Variants in SPOCK1 observed in about 807,000 individuals in gnomAD.
SPOCK1 encodes the protein SPARC (osteonectin), cwcv and kazal like domains proteoglycan 1, also known as testican-1.
A neutral mutation model predicts 55.3 loss-of-function variants in SPOCK1; 23 were observed. The ratio of observed to expected loss-of-function variants is 0.42; its 90% CI spans 0.30 to 0.59. The LOEUF (loss-of-function observed/expected upper bound fraction) is 0.59. Ranked by LOEUF, SPOCK1 falls within the 20% of genes least tolerant of loss-of-function variation. The probability of loss-of-function intolerance (pLI) is 0.22; values close to 1 mark genes in which losing one functional copy is unlikely to be tolerated. For missense variants in SPOCK1, 499 were observed against 552.5 expected (o/e 0.90, Z 0.97); for synonymous variants, 226 against 221.0 (o/e 1.02, Z -0.20).
At chr5:137,284,636 A>C (rs538547978) in intron 2 of SPOCK1, among the ~76,000 whole-genome samples, 26 of 152,330 alleles carry the variant, frequency 1.7e-4, no homozygotes, top group Non-Finnish European at 3.2e-4. Context: ...GAGTGACCTC[A>C]TGAAAGGAGA....
intron 2 of SPOCK1, among the ~76,000 whole-genome samples, chr5:137,308,234 AC>A (rs1265866944): frequency 6.6e-6 from 1 of 152,222 alleles, no homozygotes; most frequent in Non-Finnish European, 1.5e-5. Context: ...TTTCAGACAC[AC>A]AAAGCCTTTG....
Position 137,440,616 on chromosome 5 carries a change from C to G in SPOCK1, c.186+57757G>C, listed in dbSNP as rs533480554. ...ACCTTTGCTACGAGCAATCATCTTA[C>G]AGAACTCAGAATCAAATTTTGAGTC... On this transcript the variant is annotated intron_variant, in intron 2 of 10. Transcript: ENST00000394945. Among the ~76,000 whole-genome samples, 447 of 152,340 alleles carry G rather than the reference C, an allele frequency of 2.9e-3. 2 individuals are homozygous for G. Among genetic ancestry groups the G allele is most frequent in the Non-Finnish European group, 5.2e-3 (356 of 68,040 alleles).
intron 2 of SPOCK1, among the ~76,000 whole-genome samples, chr5:137,416,558 G>T (rs1752332360): frequency 6.6e-6 from 1 of 152,016 alleles, no homozygotes; most frequent in Non-Finnish European, 1.5e-5. Context: ...CGGAACTTGA[G>T]AAAACCTATT....
chr5:137,071,669 G>C (rs1300867178), intron 5 of SPOCK1, among the ~76,000 whole-genome samples: 1 of 152,182 alleles, frequency 6.6e-6, no homozygotes, highest in Non-Finnish European at 1.5e-5. Context: ...AAAACTCCAT[G>C]AGCAAGTGCG....
At chr5:137,344,933 G>A (rs1381414550) in intron 2 of SPOCK1, among the ~76,000 whole-genome samples, 1 of 152,210 alleles carries the variant, frequency 6.6e-6, no homozygotes, top group Non-Finnish European at 1.5e-5. Context: ...AGGCAGCAGT[G>A]CTGTTAGCTT....
At chr5:137,074,419 C>T in intron 5 of SPOCK1, among the ~76,000 whole-genome samples, 1 of 151,962 alleles carries the variant, frequency 6.6e-6, no homozygotes, top group East Asian at 1.9e-4. Flanking sequence ...CACAATGCTG[C>T]AAATTACTTC....
At chr5:137,030,941 G>A (rs561264092) in intron 6 of SPOCK1, among the ~76,000 whole-genome samples, 98 of 152,236 alleles carry the variant, frequency 6.4e-4, no homozygotes, top group Admixed American at 1.3e-3. Flanking sequence ...CTTAAAGTCA[G>A]AAAAGTAGGT....
chr5:137,064,390 CGTGT>C (rs1752455973), intron 6 of SPOCK1, among the ~76,000 whole-genome samples: 1 of 151,954 alleles, frequency 6.6e-6, no homozygotes, highest in Admixed American at 6.6e-5. Flanking sequence ...CGTGTGTGTG[CGTGT>C]GTGTATTGCC....
At chr5:137,108,901 A>T (rs1393409828) in intron 5 of SPOCK1, among the ~76,000 whole-genome samples, 1 of 152,194 alleles carries the variant, frequency 6.6e-6, no homozygotes, top group Non-Finnish European at 1.5e-5. Flanking sequence ...CCCATATCCA[A>T]AAAGTCAACT....
At position 136,976,066 on chromosome 5, in the gene SPOCK1, G is replaced by T. The variant is rs1750604804; in HGVS notation, c.*2588C>A. ...TGACTTCTTGTCACTGGTACAAGTGGACTTTTTGGAGGACTATTTCCAAGA... is the reference window on the plus strand; with the variant it reads ...TGACTTCTTGTCACTGGTACAAGTGTACTTTTTGGAGGACTATTTCCAAGA... On this transcript the variant is annotated 3_prime_UTR_variant, in exon 11 of 11. Coordinates refer to ENST00000394945, the MANE Select transcript of SPOCK1 (RefSeq NM_004598.4). 6.6e-6 allele frequency: 1 copy of T among 152,130 alleles called. No individual in the cohort carries two copies. The highest frequency in any genetic ancestry group is 2.1e-4 in the South Asian group (1 of 4,826). 9.4% of individuals were successfully genotyped at this position (152,130 alleles called of 1,614,324 possible). A position where few individuals can be genotyped will look rare whatever the true frequency, so the allele number is the denominator to read the frequency against.
chr5:137,087,160 C>A (rs1286059572), intron 5 of SPOCK1, among the ~76,000 whole-genome samples: 1 of 152,202 alleles, frequency 6.6e-6, no homozygotes, highest in Non-Finnish European at 1.5e-5. Flanking sequence ...GGGAGCCAGG[C>A]ACAGTCTTTT....
At chr5:137,391,493 G>A (rs1454428442) in intron 2 of SPOCK1, among the ~76,000 whole-genome samples, 1 of 152,120 alleles carries the variant, frequency 6.6e-6, no homozygotes. Context: ...GGGCAAGGGA[G>A]ATCAAGAATC....
At chr5:137,358,463 G>A (rs1750868457) in intron 2 of SPOCK1, among the ~76,000 whole-genome samples, 1 of 135,940 alleles carries the variant, frequency 7.4e-6, no homozygotes, top group African/African-American at 2.6e-5. Context: ...GGAAGGGGAG[G>A]GGAGGGGAGG....
In SPOCK1 at chr5:137,067,788, G is replaced by A. The variant is rs374427870; in HGVS notation, c.516C>T (p.Leu172=). The A allele has an allele frequency of 6.8e-5, 110 of 1,614,002 alleles. No homozygotes were observed. Among genetic ancestry groups the A allele is most frequent in the African/African-American group, 2.1e-4 (16 of 74,900 alleles). The change falls in exon 6 of 11, where the codon CTC becomes CTT. Residue 172 remains leucine (L), a synonymous_variant. Transcript: ENST00000394945. ...GACAGGGCCCATCACAGAGGGTGGC[G>A]AGGCTTTTGCCAGTAGAACAAGCAT... ...EFHACSTGKS[L]ATLCDGPCPC... is the part of the protein sequence containing the mutation.
At chr5:137,448,104 C>T (rs954986205) in intron 2 of SPOCK1, among the ~76,000 whole-genome samples, 5 of 152,028 alleles carry the variant, frequency 3.3e-5, no homozygotes, top group African/African-American at 4.8e-5. Context: ...AAAAATTAGC[C>T]GGGCTTGGTG....
At chr5:137,416,133 C>T (rs968775502) in intron 2 of SPOCK1, among the ~76,000 whole-genome samples, 8 of 151,670 alleles carry the variant, frequency 5.3e-5, no homozygotes, top group African/African-American at 7.3e-5. Flanking sequence ...CTGAAAACAA[C>T]GCAAGCAAGA....
At chr5:137,236,824 C>G (rs1756190779) in intron 3 of SPOCK1, among the ~76,000 whole-genome samples, 1 of 152,170 alleles carries the variant, frequency 6.6e-6, no homozygotes, top group African/African-American at 2.4e-5. Flanking sequence ...TATGTCAGGC[C>G]TGGGAGCTTC....
At chr5:137,010,578 A>T (rs941686563) in intron 6 of SPOCK1, among the ~76,000 whole-genome samples, 2 of 152,130 alleles carry the variant, frequency 1.3e-5, no homozygotes, top group Non-Finnish European at 2.9e-5. Flanking sequence ...GTCCCTAAAC[A>T]GGCTAGGGGG....
At chr5:137,122,240 T>C (rs1486031162) in intron 4 of SPOCK1, among the ~76,000 whole-genome samples, 9 of 133,064 alleles carry the variant, frequency 6.8e-5, no homozygotes, top group Admixed American at 3.7e-4. Context: ...AAAGCAGTTA[T>C]ACACACACAC....
Sources: allele counts gnomAD v4.1 joint callset (sites outside exome capture counted in the v4.1 genomes callset), GRCh38; gene constraint gnomAD v4.1.1; transcripts MANE v1.5; gene names NCBI Gene and HGNC (gene_info 2026-07-23, HGNC 2026-07-21).